The following CACNA2D3 variants were observed in gnomAD, a reference collection of about 807,000 sequenced individuals.
CACNA2D3 encodes the protein calcium voltage-gated channel auxiliary subunit alpha2delta 3.
Under a neutral mutation model 160.6 loss-of-function variants are expected in CACNA2D3, and 60 were observed. That is an observed-to-expected ratio of 0.37 (90% CI 0.30 to 0.46). The LOEUF (loss-of-function observed/expected upper bound fraction) is 0.46. CACNA2D3 is among the 20% of genes least tolerant of loss of function. CACNA2D3 has a pLI of 1.00. For synonymous variants in CACNA2D3, 558 were observed against 492.9 expected, an observed-to-expected ratio of 1.13 and a Z score of -1.75; for missense variants, 1,205 against 1,365.0, an observed-to-expected ratio of 0.88 and a Z score of 1.85.
intron 9 of CACNA2D3, among the ~76,000 whole-genome samples, chr3:54,607,573 G>A (rs886353903): frequency 3.9e-5 from 6 of 152,100 alleles, no homozygotes; most frequent in African/African-American, 1.2e-4. Flanking sequence ...TACTAAATGC[G>A]GGCTAGGACA....
intron 9 of CACNA2D3, among the ~76,000 whole-genome samples, chr3:54,613,766 A>G (rs902929675): frequency 6.6e-6 from 1 of 152,090 alleles, no homozygotes; most frequent in Admixed American, 6.6e-5. Context: ...TCTGGATTCC[A>G]TGACTTTGTT....
chr3:55,025,569 G>C (rs771973350), intron 35 of CACNA2D3, among the ~76,000 whole-genome samples: 1 of 148,214 alleles, frequency 6.7e-6, no homozygotes, highest in Non-Finnish European at 1.5e-5. Context: ...AGGAGGCGGA[G>C]GTTGCAGTGA....
chr3:55,026,323 G>C (rs934567529), intron 35 of CACNA2D3, among the ~76,000 whole-genome samples: 1 of 152,226 alleles, frequency 6.6e-6, no homozygotes, highest in African/African-American at 2.4e-5. Flanking sequence ...AAGAAAATGT[G>C]AAGATAGCTC....
At chr3:54,209,461 G>T (rs963385313) in intron 2 of CACNA2D3, among the ~76,000 whole-genome samples, 1 of 152,176 alleles carries the variant, frequency 6.6e-6, no homozygotes, top group Non-Finnish European at 1.5e-5. Context: ...GAGGTCAAAA[G>T]TAATTATCCC....
chr3:54,645,574 CAT>C (rs1480254303), intron 11 of CACNA2D3, among the ~76,000 whole-genome samples: 2 of 152,162 alleles, frequency 1.3e-5, no homozygotes, highest in African/African-American at 2.4e-5. Flanking sequence ...CCACTTCACT[CAT>C]ATGGTTTCCC....
In CACNA2D3 at chr3:54,879,416, A is replaced by G; in HGVS notation, c.1844+5A>G. On this transcript the variant is annotated splice_donor_5th_base_variant and intron_variant, in intron 20 of 37. Coordinates refer to ENST00000474759, the MANE Select transcript of CACNA2D3 (RefSeq NM_018398.3). ...CATCAAGGGTACTCCTTTCAGGTAG[A>G]GCTGACCATAATACATGGACATTCC... 6.3e-7 allele frequency: 1 copy of G among 1,599,610 alleles called. No individual in the cohort carries two copies. The highest frequency in any genetic ancestry group is 8.6e-7 in the Non-Finnish European group (1 of 1,168,754).
At chr3:54,584,648 G>T (rs186880058) in intron 9 of CACNA2D3, among the ~76,000 whole-genome samples, 1 of 152,250 alleles carries the variant, frequency 6.6e-6, no homozygotes, top group Admixed American at 6.5e-5. Flanking sequence ...CCCCCAAACT[G>T]GGTAAAAGGT....
intron 27 of CACNA2D3, among the ~76,000 whole-genome samples, chr3:54,942,661 G>A (rs1240610587): frequency 1.3e-5 from 2 of 152,184 alleles, no homozygotes; most frequent in Non-Finnish European, 2.9e-5. Context: ...GACTGAGCCA[G>A]AAGGATCATT....
intron 11 of CACNA2D3, among the ~76,000 whole-genome samples, chr3:54,739,751 A>G (rs981635902): frequency 2.7e-4 from 40 of 145,956 alleles, no homozygotes; most frequent in African/African-American, 1.0e-3. Context: ...CTCCTCATAT[A>G]TGTGTGTGTG....
At chr3:54,127,098 C>G (rs1374179892) in intron 2 of CACNA2D3, among the ~76,000 whole-genome samples, 1 of 152,202 alleles carries the variant, frequency 6.6e-6, no homozygotes, top group Non-Finnish European at 1.5e-5. Context: ...TGGATAGGAG[C>G]TGGGTTTTTC....
At chr3:55,052,512 A>T (rs1704252453) in intron 35 of CACNA2D3, among the ~76,000 whole-genome samples, 2 of 151,760 alleles carry the variant, frequency 1.3e-5, no homozygotes, top group Admixed American at 6.6e-5. Flanking sequence ...TACTTAGGTA[A>T]AGTTGGTTTC....
intron 13 of CACNA2D3, among the ~76,000 whole-genome samples, chr3:54,806,823 C>G (rs1160548612): frequency 6.6e-6 from 1 of 152,084 alleles, no homozygotes; most frequent in African/African-American, 2.4e-5. Context: ...GCTACAGTAA[C>G]CAAAACAGCA....
chr3:54,380,008 C>T (rs1006022497), intron 3 of CACNA2D3, among the ~76,000 whole-genome samples: 1 of 152,132 alleles, frequency 6.6e-6, no homozygotes, highest in Non-Finnish European at 1.5e-5. Flanking sequence ...ACACTGTTAA[C>T]GGAGTGATAA....
intron 11 of CACNA2D3, among the ~76,000 whole-genome samples, chr3:54,743,830 G>T (rs1010712776): frequency 2.0e-5 from 3 of 152,210 alleles, no homozygotes; most frequent in Admixed American, 6.5e-5. Flanking sequence ...GCCATGCAGT[G>T]TCCAGCAGCC....
At chr3:54,354,104 A>T (rs114323673) in intron 3 of CACNA2D3, among the ~76,000 whole-genome samples, 1 of 152,116 alleles carries the variant, frequency 6.6e-6, no homozygotes, top group Admixed American at 6.5e-5. Flanking sequence ...AACTTCTCAC[A>T]TGAATCTCAG....
intron 35 of CACNA2D3, among the ~76,000 whole-genome samples, chr3:55,057,182 A>G (rs532035977): frequency 6.6e-6 from 1 of 152,294 alleles, no homozygotes; most frequent in East Asian, 1.9e-4. Context: ...GTCTTCTGCC[A>G]TGATTGTGAG....
intron 4 of CACNA2D3, among the ~76,000 whole-genome samples, chr3:54,493,060 C>CTTTTTTTTT (rs34225864): frequency 1.7e-5 from 1 of 58,796 alleles, no homozygotes; most frequent in African/African-American, 7.7e-5. Context: ...TTGCTCAAAA[C>CTTTTTTTTT]TTTTTTTTTT....
intron 4 of CACNA2D3, among the ~76,000 whole-genome samples, chr3:54,436,097 C>T (rs1209492617): frequency 1.3e-5 from 2 of 151,956 alleles, no homozygotes; most frequent in Non-Finnish European, 2.9e-5. Context: ...AACAAAAGAA[C>T]TAGATTCACA....
chr3:54,569,930 G>C (rs768082736), intron 7 of CACNA2D3, 24 bp from the exon 8 acceptor site: 1 of 1,613,580 alleles, frequency 6.2e-7, no homozygotes, highest in Non-Finnish European at 8.5e-7. Flanking sequence ...GATTAATTTT[G>C]ACTTAATTTT....
Sources: gnomAD v4.1 joint callset for allele counts (sites outside exome capture counted in the v4.1 genomes callset) on GRCh38, gnomAD v4.1.1 for gene constraint, MANE v1.5 for transcripts, NCBI Gene and HGNC (gene_info 2026-07-23, HGNC 2026-07-21) for gene names.